Variants in FAM114A1 observed in about 807,000 individuals in gnomAD.
FAM114A1 encodes family with sequence similarity 114 member A1.
Under a neutral mutation model 64.3 loss-of-function variants are expected in FAM114A1, and 62 were observed. That is an observed-to-expected ratio of 0.96 (90% confidence interval 0.79 to 1.19). The LOEUF (loss-of-function observed/expected upper bound fraction) is 1.19. Ranked by LOEUF, FAM114A1 falls within the 50% of genes most tolerant of loss-of-function variation. The pLI, the probability that FAM114A1 is intolerant of heterozygous loss-of-function variation, is 0.00. For synonymous variants in FAM114A1, 254 were observed against 251.1 expected, an observed-to-expected ratio of 1.01 and a Z score of -0.11; for missense variants, 645 against 676.3, an observed-to-expected ratio of 0.95 and a Z score of 0.51.
chr4:38,929,327 C>G lies in FAM114A1; in HGVS notation c.1155C>G (p.Leu385=), dbSNP rs372821613. 1.1e-5 allele frequency: 17 copies of G among 1,610,312 alleles called. No homozygotes were observed. Among genetic ancestry groups the G allele is most frequent in the Non-Finnish European group, 1.4e-5 (17 of 1,176,992 alleles). The change falls in exon 10 of 15, where the codon CTC becomes CTG. Residue 385 remains leucine (L), a synonymous_variant. Coordinates refer to ENST00000358869, the MANE Select transcript of FAM114A1 (RefSeq NM_138389.4). ...ELHVAATPDK[L]NKAMKRAHDW... is the part of the protein sequence containing the mutation. ...ATGTGGCGGCCACACCTGACAAACT[C>G]AATAAGGTCAGCACTGTCTGATTTA... is the stretch of plus-strand genomic sequence containing the variant.
At chr4:38,872,232 A>C (rs1714147827) in intron 2 of FAM114A1, among the ~76,000 whole-genome samples, 1 of 152,224 alleles carries the variant, frequency 6.6e-6, no homozygotes, top group African/African-American at 2.4e-5. Context: ...TATATTCCTG[A>C]ATAAGGCACT....
intron 8 of FAM114A1, among the ~76,000 whole-genome samples, chr4:38,922,240 G>A (rs866400376): frequency 7.2e-5 from 11 of 152,204 alleles, no homozygotes; most frequent in Middle Eastern, 3.4e-3. Flanking sequence ...GCGTCTGGCC[G>A]TATGCATGTA....
chr4:38,890,413 C>A (rs12646640), intron 3 of FAM114A1, among the ~76,000 whole-genome samples: 20,111 of 131,378 alleles, frequency 0.15, 2,536 homozygotes, highest in African/African-American at 0.34. Flanking sequence ...AAAAAAAAAA[C>A]AAAAAAAAAC....
intron 13 of FAM114A1, among the ~76,000 whole-genome samples, chr4:38,936,383 C>T (rs1029234243): frequency 1.3e-4 from 19 of 151,842 alleles, no homozygotes; most frequent in Admixed American, 2.0e-4. Flanking sequence ...CGTGAGCCAC[C>T]GCGCCTGGCC....
intron 4 of FAM114A1, 80 bp from the exon 5 acceptor site, chr4:38,905,442 C>T: frequency 9.9e-7 from 1 of 1,008,118 alleles, no homozygotes; most frequent in Non-Finnish European, 1.5e-6. Flanking sequence ...CAACTTGAAA[C>T]AGCTTTGTAA....
Position 38,908,648 on chromosome 4 carries a change from C to A in FAM114A1, c.714C>A (p.Thr238=). 1 of 1,613,350 alleles carries A rather than the reference C, an allele frequency of 6.2e-7. No individual in the cohort carries two copies. The highest frequency in any genetic ancestry group is 1.1e-5 in the South Asian group (1 of 90,974). Residue 238 remains threonine (T), a synonymous_variant, in exon 7 of 15, where the codon ACC becomes ACA. Transcript: ENST00000358869. ...LDALEFIGKK[T]MNVLAESDPG... ...CGTTGGAATTCATCGGCAAGAAAAC[C>A]ATGAATGTCCTTGCAGAAAGTGACC...
At chr4:38,900,975 C>A (rs555635617) in intron 4 of FAM114A1, among the ~76,000 whole-genome samples, 13 of 151,732 alleles carry the variant, frequency 8.6e-5, no homozygotes, top group Non-Finnish European at 1.5e-4. Context: ...AAAATTCAAC[C>A]AGATATATCA....
intron 9 of FAM114A1, among the ~76,000 whole-genome samples, chr4:38,926,575 C>T (rs1481397645): frequency 2.0e-5 from 3 of 152,100 alleles, no homozygotes; most frequent in Non-Finnish European, 4.4e-5. Context: ...CCTGCCTCAG[C>T]CTCCCAAGTA....
chr4:38,935,932 A>C (rs1171003992), intron 13 of FAM114A1, 142 bp downstream of exon 13: 3 of 640,398 alleles, frequency 4.7e-6, no homozygotes, highest in Non-Finnish European at 8.3e-6. Context: ...GCCAAGAGTA[A>C]CTTCTCTAAG....
At chr4:38,899,717 A>G (rs1717316041) in intron 4 of FAM114A1, among the ~76,000 whole-genome samples, 1 of 152,236 alleles carries the variant, frequency 6.6e-6, no homozygotes, top group African/African-American at 2.4e-5. Context: ...TCACTCCTAT[A>G]TCAGAGCAAA....
chr4:38,900,902 A>G (rs975961500), intron 4 of FAM114A1, among the ~76,000 whole-genome samples: 10 of 151,944 alleles, frequency 6.6e-5, no homozygotes, highest in Non-Finnish European at 1.2e-4. Flanking sequence ...CTATTCAGGT[A>G]GGAAAAGTTA....
intron 6 of FAM114A1, among the ~76,000 whole-genome samples, chr4:38,906,835 A>G (rs951840108): frequency 5.9e-5 from 9 of 152,184 alleles, no homozygotes; most frequent in African/African-American, 1.2e-4. Flanking sequence ...ATTTCTTACT[A>G]TGTAAACTAA....
intron 8 of FAM114A1, 96 bp downstream of exon 8, chr4:38,915,169 T>A: frequency 1.4e-6 from 2 of 1,464,774 alleles, no homozygotes; most frequent in Admixed American, 2.0e-5. Flanking sequence ...GATCTCATTT[T>A]TAGAGCCTCA....
intron 3 of FAM114A1, among the ~76,000 whole-genome samples, chr4:38,884,095 A>C (rs1032854075): frequency 1.2e-4 from 19 of 152,232 alleles, no homozygotes; most frequent in African/African-American, 4.6e-4. Context: ...CACTAACACT[A>C]GGACACAGCA....
chr4:38,937,794 G>A (rs1330133038), intron 13 of FAM114A1, among the ~76,000 whole-genome samples: 1 of 152,104 alleles, frequency 6.6e-6, no homozygotes, highest in Non-Finnish European at 1.5e-5. Context: ...GAGTGCAGTG[G>A]CGCGATCTTG....
intron 3 of FAM114A1, among the ~76,000 whole-genome samples, chr4:38,879,343 G>C (rs868520541): frequency 3.3e-5 from 5 of 152,182 alleles, no homozygotes; most frequent in Non-Finnish European, 7.4e-5. Context: ...CATGATGTGA[G>C]GGACAGGAAC....
intron 3 of FAM114A1, among the ~76,000 whole-genome samples, chr4:38,880,367 C>T (rs913671401): frequency 5.3e-5 from 8 of 152,164 alleles, no homozygotes; most frequent in African/African-American, 1.7e-4. Context: ...ATCATTCCAG[C>T]TCTAAAATGC....
chr4:38,890,969 A>G (rs542343647), intron 3 of FAM114A1, among the ~76,000 whole-genome samples: 1 of 152,332 alleles, frequency 6.6e-6, no homozygotes, highest in African/African-American at 2.4e-5. Context: ...GCCAGTCTCC[A>G]TTCTGCTCAC....
At chr4:38,891,695 C>T (rs1210864627) in intron 3 of FAM114A1, 48 bp from the exon 4 acceptor site, 4 of 1,501,660 alleles carry the variant, frequency 2.7e-6, no homozygotes, top group Non-Finnish European at 3.6e-6. Context: ...TTTTTCCATT[C>T]AGAGATATAC....
Sources: allele counts gnomAD v4.1 joint callset (sites outside exome capture counted in the v4.1 genomes callset), GRCh38; gene constraint gnomAD v4.1.1; transcripts MANE v1.5; gene names NCBI Gene and HGNC (gene_info 2026-07-23, HGNC 2026-07-21).